The following VEGFC variants were observed in gnomAD, a reference collection of about 807,000 sequenced individuals.
The protein encoded by VEGFC is vascular endothelial growth factor C.
Under a neutral mutation model 46.1 loss-of-function variants are expected in VEGFC, and 12 were observed. That is an observed-to-expected ratio of 0.26 (90% CI 0.17 to 0.42). The LOEUF (loss-of-function observed/expected upper bound fraction) is 0.42. Among genes scored for constraint, VEGFC ranks in the 10% least tolerant of loss-of-function variants. VEGFC has a pLI of 1.00. For synonymous variants in VEGFC, 232 were observed against 195.5 expected, an observed-to-expected ratio of 1.19 and a Z score of -1.56; for missense variants, 488 against 529.4, an observed-to-expected ratio of 0.92 and a Z score of 0.77.
chr4:176,761,177 C>G (rs1735524633), intron 1 of VEGFC, among the ~76,000 whole-genome samples: 1 of 152,190 alleles, frequency 6.6e-6, no homozygotes, highest in African/African-American at 2.4e-5. Context: ...AATTGATGTA[C>G]TCATATATTT....
intron 3 of VEGFC, among the ~76,000 whole-genome samples, chr4:176,715,570 G>A (rs1734685687): frequency 6.6e-6 from 1 of 152,034 alleles, no homozygotes; most frequent in Non-Finnish European, 1.5e-5. Context: ...GGTCTCATGT[G>A]TGTATATTGA....
rs192037075 is a variant in VEGFC, at chr4:176,747,744, A to G, written c.148-17998T>C. Among the ~76,000 whole-genome samples the G allele has an allele frequency of 4.4e-3, 665 of 152,188 alleles. 7 individuals carry two copies. The highest frequency in any genetic ancestry group is 0.015 in the African/African-American group (638 of 41,550). The stretch of plus-strand genomic sequence containing the variant: ...AGGTTCAAGGCTGCAGTGAGCTACA[A>G]TTGTGCCACTGCACTCTATCCTGGG... On this transcript the variant is annotated intron_variant, in intron 1 of 6. Coordinates refer to ENST00000618562, the MANE Select transcript of VEGFC (RefSeq NM_005429.5).
intron 3 of VEGFC, among the ~76,000 whole-genome samples, chr4:176,726,581 A>G (rs146386767): frequency 6.6e-6 from 1 of 152,296 alleles, no homozygotes; most frequent in East Asian, 1.9e-4. Context: ...GAAAGCAATT[A>G]ATTTGGGTTG....
intron 1 of VEGFC, among the ~76,000 whole-genome samples, chr4:176,777,821 G>C (rs925760403): frequency 6.7e-6 from 1 of 149,532 alleles, no homozygotes; most frequent in African/African-American, 2.5e-5. Context: ...CGGGAGGCTG[G>C]GGCAGGAGAA....
intron 6 of VEGFC, among the ~76,000 whole-genome samples, chr4:176,684,975 C>T (rs1478145728): frequency 1.3e-5 from 2 of 152,172 alleles, no homozygotes; most frequent in Non-Finnish European, 2.9e-5. Context: ...GATCTGCCCG[C>T]CTTGGCCTTC....
At chr4:176,706,349 C>A (rs1464174839) in intron 4 of VEGFC, among the ~76,000 whole-genome samples, 1 of 152,016 alleles carries the variant, frequency 6.6e-6, no homozygotes, top group Non-Finnish European at 1.5e-5. Context: ...ACTATTTTGG[C>A]TGGGCGTGGT....
chr4:176,725,653 A>G (rs1462625716), intron 3 of VEGFC, among the ~76,000 whole-genome samples: 1 of 152,144 alleles, frequency 6.6e-6, no homozygotes, highest in Non-Finnish European at 1.5e-5. Context: ...TATAATCTAG[A>G]ATACATCATA....
Position 176,727,847 on chromosome 4 carries a change from T to A in VEGFC, c.483A>T (p.Arg161Ser). The change falls in exon 3 of 7, where the codon AGA (arginine) becomes AGT (serine). Residue 161 changes from arginine (R) to serine (S), a missense_variant. Transcript: ENST00000618562. ...FFKPPCVSVY[R>S]CGGCCNSEGL... is the part of the protein sequence containing the mutation. The stretch of plus-strand genomic sequence containing the variant: ...CCTCACTATTGCAGCAACCCCCACA[T>A]CTGTAGACGGACACACATGGAGGTT... The A allele has an allele frequency of 1.2e-6, 2 of 1,613,896 alleles. No individual in the cohort carries two copies. The highest frequency in any genetic ancestry group is 1.1e-5 in the South Asian group (1 of 91,072).
chr4:176,692,155 G>A (rs553221265), intron 4 of VEGFC, among the ~76,000 whole-genome samples: 149 of 152,004 alleles, frequency 9.8e-4, no homozygotes, highest in East Asian at 4.5e-3. Context: ...AGCACTTTGG[G>A]AGGCCGAGGC....
At chr4:176,757,101 G>A (rs1404452728) in intron 1 of VEGFC, among the ~76,000 whole-genome samples, 1 of 152,036 alleles carries the variant, frequency 6.6e-6, no homozygotes, top group Non-Finnish European at 1.5e-5. Context: ...AATGTAGACG[G>A]TAAAATGAGG....
At position 176,719,322 on chromosome 4, in the gene VEGFC, C is replaced by G. The variant is rs186953528; in HGVS notation, c.553-7672G>C. Among the ~76,000 whole-genome samples, 297 of 150,878 alleles carry G rather than the reference C, an allele frequency of 2.0e-3. 3 individuals carry two copies. The highest frequency in any genetic ancestry group is 6.9e-3 in the African/African-American group (284 of 41,116). The stretch of plus-strand genomic sequence containing the variant: ...AAGTCTTTTTTTTGTTTTTTTTTAC[C>G]TTAAGAAAACACAGCATTAAGAAAT... On this transcript the variant is annotated intron_variant, in intron 3 of 6. Transcript: ENST00000618562.
At chr4:176,740,262 A>G (rs1211213266) in intron 1 of VEGFC, among the ~76,000 whole-genome samples, 3 of 120,820 alleles carry the variant, frequency 2.5e-5, no homozygotes, top group Non-Finnish European at 4.9e-5. Context: ...TAGAATATAT[A>G]TAACTATATA....
chr4:176,692,475 T>C (rs1734214289), intron 4 of VEGFC, among the ~76,000 whole-genome samples: 1 of 133,910 alleles, frequency 7.5e-6, no homozygotes, highest in East Asian at 2.0e-4. Flanking sequence ...TCGAGGGTCC[T>C]ACGCCCACGG....
At chr4:176,697,578 G>A (rs534677320) in intron 4 of VEGFC, among the ~76,000 whole-genome samples, 82 of 150,390 alleles carry the variant, frequency 5.5e-4, no homozygotes, top group African/African-American at 1.9e-3. Flanking sequence ...TCAGTGTGGC[G>A]ATTCCTCAGG....
intron 3 of VEGFC, among the ~76,000 whole-genome samples, chr4:176,714,002 G>A (rs1734658918): frequency 6.6e-6 from 1 of 152,180 alleles, no homozygotes; most frequent in African/African-American, 2.4e-5. Context: ...AGTGGAGACG[G>A]GGGACAAGAA....
At chr4:176,724,026 C>A (rs1208187408) in intron 3 of VEGFC, among the ~76,000 whole-genome samples, 1 of 152,128 alleles carries the variant, frequency 6.6e-6, no homozygotes, top group East Asian at 1.9e-4. Context: ...TATTTCATCA[C>A]CCAGGAATTA....
At chr4:176,687,643 G>T in intron 5 of VEGFC, 123 bp from the exon 6 acceptor site, 1 of 1,087,338 alleles carries the variant, frequency 9.2e-7, no homozygotes, top group Non-Finnish European at 1.3e-6. Context: ...GTACAAACAT[G>T]AGTATGTTCC....
In VEGFC at chr4:176,730,510, TTATC is replaced by T. The variant is rs755223277; in HGVS notation, c.148-768_148-765del. ...TAGGAAAAAGGAAACTTGTATAGCT[TTATC>T]TATCTGCCAAGTAAAATACAACATC... On this transcript the variant is annotated intron_variant, in intron 1 of 6. Coordinates refer to ENST00000618562, the MANE Select transcript of VEGFC (RefSeq NM_005429.5). Among the ~76,000 whole-genome samples, 19 of 152,308 alleles carry T rather than the reference TTATC, an allele frequency of 1.2e-4. No homozygotes were observed. In the East Asian group the frequency reaches 1.5e-3, roughly 12 times the overall value.
intron 1 of VEGFC, among the ~76,000 whole-genome samples, chr4:176,734,302 T>C (rs1261551133): frequency 2.0e-5 from 3 of 151,844 alleles, no homozygotes; most frequent in African/African-American, 7.2e-5. Flanking sequence ...ACTTCTAGTT[T>C]AGGTGAAATC....
Sources: gnomAD v4.1 joint callset for allele counts (sites outside exome capture counted in the v4.1 genomes callset) on GRCh38, gnomAD v4.1.1 for gene constraint, MANE v1.5 for transcripts, NCBI Gene and HGNC (gene_info 2026-07-23, HGNC 2026-07-21) for gene names.